ZNF69: variants seen among roughly 807,000 people sequenced by gnomAD.
ZNF69 encodes the protein ZNF3.
A neutral mutation model predicts 50.9 loss-of-function variants in ZNF69; 47 were observed. The ratio of observed to expected loss-of-function variants is 0.92; its 90% CI spans 0.73 to 1.18. ZNF69 has a LOEUF of 1.18. Ranked by LOEUF, ZNF69 falls within the 50% of genes most tolerant of loss-of-function variation. The pLI is 0.00. For synonymous variants in ZNF69, 216 were observed against 223.1 expected (o/e 0.97, Z 0.29); for missense variants, 717 against 675.1 (o/e 1.06, Z -0.69).
chr19:11,906,762 C>A (rs567690294), downstream of ZNF69, among the ~76,000 whole-genome samples: 2 of 152,196 alleles, frequency 1.3e-5, no homozygotes, highest in Non-Finnish European at 2.9e-5. Context: ...AACATCAGAG[C>A]GCCTCTTCTC....
the ZNF69 span, among the ~76,000 whole-genome samples, chr19:11,974,107 TTC>T: frequency 2.1e-5 from 2 of 95,344 alleles, no homozygotes; most frequent in South Asian, 3.4e-4. Context: ...CTTTCTTTCT[TTC>T]TTTCTTTCTT....
At chr19:11,906,750 T>G (rs1220949942), downstream of ZNF69, among the ~76,000 whole-genome samples, 1 of 152,222 alleles carries the variant, frequency 6.6e-6, no homozygotes, top group Admixed American at 6.5e-5. Context: ...CTGAAAATTC[T>G]AAACATCAGA....
chr19:11,963,340 C>T, the ZNF69 span, among the ~76,000 whole-genome samples: 1 of 152,176 alleles, frequency 6.6e-6, no homozygotes, highest in Non-Finnish European at 1.5e-5. Flanking sequence ...AGTGCTCCTC[C>T]CACTTTGGCC....
the ZNF69 span, among the ~76,000 whole-genome samples, chr19:11,924,559 A>C: frequency 1.3e-5 from 2 of 152,230 alleles, no homozygotes; most frequent in Admixed American, 6.5e-5. Context: ...TACTTAGGTC[A>C]GAAACAAAAC....
At chr19:11,897,715 A>G (rs1435347708) in intron 1 of ZNF69, among the ~76,000 whole-genome samples, 1 of 151,670 alleles carries the variant, frequency 6.6e-6, no homozygotes, top group Non-Finnish European at 1.5e-5. Flanking sequence ...TACTAAAAAT[A>G]TAAAAAATTA....
the ZNF69 span, among the ~76,000 whole-genome samples, chr19:11,969,527 C>T: frequency 2.6e-5 from 4 of 152,120 alleles, no homozygotes; most frequent in African/African-American, 4.8e-5. Flanking sequence ...GTAATTTTCA[C>T]GAGTTGTATT....
At chr19:11,950,630 T>A in the ZNF69 span, 1 of 388,482 alleles carries the variant, frequency 2.6e-6, no homozygotes, top group South Asian at 2.5e-5. Flanking sequence ...GTAAGCAGTA[T>A]GGGAAAGCCT....
downstream of ZNF69, among the ~76,000 whole-genome samples, chr19:11,911,542 A>T (rs1010684276): frequency 5.3e-5 from 8 of 152,328 alleles, no homozygotes; most frequent in African/African-American, 1.7e-4. Flanking sequence ...ATGAAGCTGG[A>T]AACCATCATT....
At chr19:11,925,858 G>A in the ZNF69 span, among the ~76,000 whole-genome samples, 1 of 152,212 alleles carries the variant, frequency 6.6e-6, no homozygotes, top group East Asian at 1.9e-4. Flanking sequence ...AAGCAGCCTG[G>A]AGTAAGTGGT....
chr19:11,947,524 G>C, the ZNF69 span: 2 of 1,612,436 alleles, frequency 1.2e-6, no homozygotes, highest in Non-Finnish European at 8.5e-7. Context: ...GAAAAAAATG[G>C]AGTGACCAGA....
At chr19:11,952,447 A>T in the ZNF69 span, among the ~76,000 whole-genome samples, 1 of 152,160 alleles carries the variant, frequency 6.6e-6, no homozygotes, top group South Asian at 2.1e-4. Flanking sequence ...TGTGCTGTTG[A>T]TGCTAACTTG....
chr19:11,918,123 T>C (rs982912416), downstream of ZNF69, among the ~76,000 whole-genome samples: 3 of 152,172 alleles, frequency 2.0e-5, no homozygotes, highest in Admixed American at 1.3e-4. Flanking sequence ...TTCTTGTTTT[T>C]ATTCCTAACT....
the ZNF69 span, among the ~76,000 whole-genome samples, chr19:11,928,731 C>CA: frequency 0.016 from 820 of 52,848 alleles, 12 homozygotes; most frequent in South Asian, 0.028. Context: ...GACTCCGTCT[C>CA]AAAAAAAAAA....
the ZNF69 span, chr19:11,949,949 A>C: frequency 6.2e-7 from 1 of 1,614,172 alleles, no homozygotes; most frequent in South Asian, 1.1e-5. Flanking sequence ...GAAAGGACTC[A>C]CACTGGAGAG....
At chr19:11,977,520 C>G in the ZNF69 span, 1 of 1,465,542 alleles carries the variant, frequency 6.8e-7, no homozygotes, top group Non-Finnish European at 9.4e-7. Flanking sequence ...AGAACTAAGT[C>G]CAGTATCAAA....
downstream of ZNF69, among the ~76,000 whole-genome samples, chr19:11,911,286 C>A (rs572262348): frequency 1.2e-4 from 19 of 152,160 alleles, no homozygotes; most frequent in Non-Finnish European, 5.9e-5. Flanking sequence ...GAATCTAGAC[C>A]TAGAAATACC....
the ZNF69 span, among the ~76,000 whole-genome samples, chr19:11,957,930 C>T: frequency 6.6e-6 from 1 of 151,966 alleles, no homozygotes; most frequent in East Asian, 1.9e-4. Context: ...GACTAAAGAT[C>T]ACTAAAGAGA....
At chr19:11,891,868 T>A (rs1285213983) in intron 1 of ZNF69, among the ~76,000 whole-genome samples, 3 of 152,290 alleles carry the variant, frequency 2.0e-5, no homozygotes, top group Admixed American at 6.5e-5. Flanking sequence ...AATTGGTGTT[T>A]CTCTGGCTCC....
the ZNF69 span, among the ~76,000 whole-genome samples, chr19:11,965,774 C>T: frequency 6.6e-6 from 1 of 152,124 alleles, no homozygotes; most frequent in East Asian, 1.9e-4. Flanking sequence ...GAAACACAAC[C>T]CCAAGAAGCC....
Sources: allele counts gnomAD v4.1 joint callset (sites outside exome capture counted in the v4.1 genomes callset), GRCh38; gene constraint gnomAD v4.1.1; transcripts MANE v1.5; gene names NCBI Gene and HGNC (gene_info 2026-07-23, HGNC 2026-07-21).